Variants in SLC35D4 observed in about 807,000 individuals in gnomAD.
The protein encoded by SLC35D4 is UDP-N-acetylglucosamine transporter SLC35D4.
At chr18:23,282,321 T>C in the SLC35D4 span, among the ~76,000 whole-genome samples, 1 of 152,246 alleles carries the variant, frequency 6.6e-6, no homozygotes, top group African/African-American at 2.4e-5. Context: ...TCCCCCCCAG[T>C]TGATCCTGGA....
the SLC35D4 span, among the ~76,000 whole-genome samples, chr18:23,323,138 C>T: frequency 6.6e-6 from 1 of 152,228 alleles, no homozygotes; most frequent in Non-Finnish European, 1.5e-5. Flanking sequence ...GATCTAATCT[C>T]TGCAGACTAT....
the SLC35D4 span, among the ~76,000 whole-genome samples, chr18:23,269,281 C>G: frequency 6.6e-6 from 1 of 152,176 alleles, no homozygotes; most frequent in Non-Finnish European, 1.5e-5. Flanking sequence ...ATAGAGTTCT[C>G]ACAAGATCTG....
At chr18:23,283,750 A>G in the SLC35D4 span, among the ~76,000 whole-genome samples, 2 of 151,490 alleles carry the variant, frequency 1.3e-5, no homozygotes, top group African/African-American at 4.9e-5. Flanking sequence ...CGGAGGTTGC[A>G]TTGAGTCAAG....
the SLC35D4 span, among the ~76,000 whole-genome samples, chr18:23,300,970 T>A: frequency 6.6e-6 from 1 of 152,264 alleles, no homozygotes; most frequent in Non-Finnish European, 1.5e-5. Flanking sequence ...AGACAGAGGA[T>A]GGAGGCTGCA....
At chr18:23,335,136 G>C in the SLC35D4 span, among the ~76,000 whole-genome samples, 2 of 152,128 alleles carry the variant, frequency 1.3e-5, no homozygotes, top group Non-Finnish European at 2.9e-5. Context: ...TTCCACTTTT[G>C]GGGATAGAAC....
At chr18:23,409,685 A>T in the SLC35D4 span, among the ~76,000 whole-genome samples, 1 of 152,130 alleles carries the variant, frequency 6.6e-6, no homozygotes, top group Non-Finnish European at 1.5e-5. Context: ...TCAACTAAAA[A>T]ATGCAAAAAT....
chr18:23,346,081 G>A, the SLC35D4 span, among the ~76,000 whole-genome samples: 1 of 151,628 alleles, frequency 6.6e-6, no homozygotes, highest in Non-Finnish European at 1.5e-5. Context: ...AACTAGCTTG[G>A]GCAACATAAG....
chr18:23,376,781 T>A, the SLC35D4 span: 1 of 455,794 alleles, frequency 2.2e-6, no homozygotes, highest in Admixed American at 2.3e-5. Flanking sequence ...TACCCAAGGG[T>A]GAGACACCTG....
At chr18:23,275,645 T>C in the SLC35D4 span, among the ~76,000 whole-genome samples, 3,610 of 144,814 alleles carry the variant, frequency 0.025, 60 homozygotes, top group Middle Eastern at 0.053. Context: ...TGCTGTGCTG[T>C]GCTGTGCTGT....
the SLC35D4 span, chr18:23,437,940 G>A: frequency 6.9e-7 from 1 of 1,439,238 alleles, no homozygotes; most frequent in Non-Finnish European, 9.5e-7. Context: ...AGCAGCGGCA[G>A]CGGCAGCAGC....
the SLC35D4 span, among the ~76,000 whole-genome samples, chr18:23,380,803 C>T: frequency 9.3e-5 from 14 of 151,024 alleles, no homozygotes; most frequent in East Asian, 2.5e-3. Flanking sequence ...TGTATGTGTG[C>T]ATGAGTGTGT....
the SLC35D4 span, chr18:23,257,986 CAATT>C: frequency 6.6e-6 from 1 of 152,184 alleles, no homozygotes; most frequent in South Asian, 2.1e-4. Context: ...TGACCTTCAA[CAATT>C]ATTTCTAGAT....
chr18:23,285,246 C>CT, the SLC35D4 span, among the ~76,000 whole-genome samples: 1 of 151,944 alleles, frequency 6.6e-6, no homozygotes, highest in African/African-American at 2.4e-5. Context: ...CCCTGAACCC[C>CT]TTCCCTCCAT....
At chr18:23,369,073 T>G in the SLC35D4 span, among the ~76,000 whole-genome samples, 1 of 152,242 alleles carries the variant, frequency 6.6e-6, no homozygotes, top group Non-Finnish European at 1.5e-5. Flanking sequence ...CACATTTGAA[T>G]TTCTGATAAA....
chr18:23,431,267 C>T, the SLC35D4 span, among the ~76,000 whole-genome samples: 5 of 151,674 alleles, frequency 3.3e-5, no homozygotes, highest in African/African-American at 1.2e-4. Context: ...TGAAATGGAG[C>T]TGGCATCATG....
At chr18:23,283,141 A>G in the SLC35D4 span, among the ~76,000 whole-genome samples, 7 of 152,272 alleles carry the variant, frequency 4.6e-5, no homozygotes, top group African/African-American at 1.4e-4. Flanking sequence ...GTTCTTGGAC[A>G]TCACGCAAAA....
At chr18:23,277,444 C>G in the SLC35D4 span, among the ~76,000 whole-genome samples, 1 of 152,214 alleles carries the variant, frequency 6.6e-6, no homozygotes, top group African/African-American at 2.4e-5. Flanking sequence ...AATTAAACCT[C>G]TTTTGTAAAT....
At chr18:23,271,014 C>G in the SLC35D4 span, among the ~76,000 whole-genome samples, 3 of 152,194 alleles carry the variant, frequency 2.0e-5, no homozygotes, top group African/African-American at 7.2e-5. Context: ...TATGGTTTGT[C>G]TGTGTCCCCA....
At chr18:23,256,911 T>G in the SLC35D4 span, among the ~76,000 whole-genome samples, 4 of 152,274 alleles carry the variant, frequency 2.6e-5, no homozygotes, top group Admixed American at 1.3e-4. Context: ...GCTCTCTGAC[T>G]TCTTGGAGCC....
Sources: allele counts gnomAD v4.1 joint callset (sites outside exome capture counted in the v4.1 genomes callset), GRCh38; gene constraint gnomAD v4.1.1; transcripts MANE v1.5; gene names NCBI Gene and HGNC (gene_info 2026-07-23, HGNC 2026-07-21).